SHB: variants seen among roughly 807,000 people sequenced by gnomAD.
SHB encodes the protein SH2 domain containing adaptor protein B.
Under a neutral mutation model 52.3 loss-of-function variants are expected in SHB, and 20 were observed. The observed-to-expected ratio is 0.38, with a 90% CI of 0.27 to 0.56. The LOEUF (loss-of-function observed/expected upper bound fraction) is 0.56, where lower values mean the gene tolerates loss of function less well. Among genes scored for constraint, SHB ranks in the 20% least tolerant of loss-of-function variants. The pLI is 0.71. For missense variants in SHB, 825 were observed against 723.3 expected (o/e 1.14, Z -1.61); for synonymous variants, 397 against 316.5 (o/e 1.25, Z -2.70).
chr9:38,068,006 C>A lies in SHB; in HGVS notation c.640G>T (p.Ala214Ser). ...TTGAGCAGTTTCTTGCCTCCGCAGGCCGTCGGGCTCCAGGTGCGGCCGCCC... is the reference window on the plus strand; with the variant it reads ...TTGAGCAGTTTCTTGCCTCCGCAGGACGTCGGGCTCCAGGTGCGGCCGCCC... The part of the protein sequence containing the change: ...CAGGRTWSPT[A>S]CGGKKLLNKC... The change falls in exon 1 of 6, where the codon GCC becomes TCC. Residue 214 changes from alanine to serine, a missense_variant. Transcript: ENST00000377707. The A allele has an allele frequency of 1.3e-6, 2 of 1,524,742 alleles. No homozygotes were observed. The highest frequency in any genetic ancestry group is 8.7e-7 in the Non-Finnish European group (1 of 1,144,666). The allele number at this position is 1,524,742 out of a possible 1,614,324, so 94.5% of individuals were successfully genotyped here. A position where few individuals can be genotyped will look rare whatever the true frequency, so the allele number is the denominator to read the frequency against.
intron 2 of SHB, among the ~76,000 whole-genome samples, chr9:37,985,247 G>C (rs1377785901): frequency 1.3e-5 from 2 of 152,226 alleles, no homozygotes; most frequent in Non-Finnish European, 2.9e-5. Flanking sequence ...CCCAAGTCTG[G>C]AGTCAGGGTG....
intron 1 of SHB, among the ~76,000 whole-genome samples, chr9:38,055,440 C>T (rs529882815): frequency 1.3e-5 from 2 of 152,238 alleles, no homozygotes; most frequent in East Asian, 1.9e-4. Context: ...GGGCCGAAAA[C>T]GGTGGGGTGC....
At chr9:38,067,403 T>C (rs936601194) in intron 1 of SHB, among the ~76,000 whole-genome samples, 1 of 150,206 alleles carries the variant, frequency 6.7e-6, no homozygotes, top group Non-Finnish European at 1.5e-5. Flanking sequence ...GAGCTGGGGG[T>C]GGGGCAGGGC....
intron 1 of SHB, among the ~76,000 whole-genome samples, chr9:38,017,257 G>A (rs1034695794): frequency 2.6e-5 from 4 of 152,172 alleles, no homozygotes; most frequent in African/African-American, 7.2e-5. Flanking sequence ...AGTGCCACCC[G>A]GCTGCTTCTC....
intron 1 of SHB, among the ~76,000 whole-genome samples, chr9:38,036,051 A>G (rs1383173576): frequency 1.3e-5 from 2 of 152,174 alleles, no homozygotes; most frequent in Non-Finnish European, 2.9e-5. Context: ...AAGGTCATAC[A>G]GTGAGTCAAG....
chr9:37,990,876 G>A (rs920325739), intron 2 of SHB, among the ~76,000 whole-genome samples: 2 of 152,210 alleles, frequency 1.3e-5, no homozygotes, highest in Admixed American at 6.5e-5. Context: ...ATAATGTTTG[G>A]CAGGATAGAA....
At chr9:38,048,761 T>G (rs1326118784) in intron 1 of SHB, among the ~76,000 whole-genome samples, 1 of 152,234 alleles carries the variant, frequency 6.6e-6, no homozygotes, top group Non-Finnish European at 1.5e-5. Flanking sequence ...CCTCTCACTT[T>G]AGGCCACACG....
chr9:37,923,979 C>T (rs1203083840), intron 5 of SHB, among the ~76,000 whole-genome samples: 2 of 152,250 alleles, frequency 1.3e-5, no homozygotes, highest in East Asian at 3.8e-4. Context: ...TCGGCACCGT[C>T]ATCAGCACCA....
intron 1 of SHB, among the ~76,000 whole-genome samples, chr9:38,020,017 C>CA (rs1473721210): frequency 2.0e-5 from 3 of 152,136 alleles, no homozygotes; most frequent in African/African-American, 7.2e-5. Flanking sequence ...TAATGAAAAA[C>CA]AAAACAGAAA....
At chr9:38,055,711 T>C (rs1355335113) in intron 1 of SHB, among the ~76,000 whole-genome samples, 1 of 152,130 alleles carries the variant, frequency 6.6e-6, no homozygotes, top group East Asian at 1.9e-4. Context: ...CTGTCTCTGA[T>C]TGTTCCATAG....
At chr9:37,989,551 T>C (rs1820856395) in intron 2 of SHB, among the ~76,000 whole-genome samples, 2 of 152,216 alleles carry the variant, frequency 1.3e-5, no homozygotes, top group African/African-American at 4.8e-5. Context: ...CAAAACCCTT[T>C]GCATTATTTG....
At chr9:38,044,097 C>T (rs559731523) in intron 1 of SHB, among the ~76,000 whole-genome samples, 1 of 152,182 alleles carries the variant, frequency 6.6e-6, no homozygotes, top group Non-Finnish European at 1.5e-5. Context: ...GGGAGGAGGC[C>T]GGTGGCCAAC....
chr9:38,027,890 G>A (rs1467173964), intron 1 of SHB, among the ~76,000 whole-genome samples: 1 of 152,042 alleles, frequency 6.6e-6, no homozygotes, highest in Non-Finnish European at 1.5e-5. Context: ...CCCAGGGCAG[G>A]GGGTGCCTCC....
intron 5 of SHB, among the ~76,000 whole-genome samples, chr9:37,928,950 C>T (rs934754935): frequency 6.6e-6 from 1 of 152,232 alleles, no homozygotes; most frequent in Non-Finnish European, 1.5e-5. Context: ...CGGGGGAAGC[C>T]CCAGCTGCCG....
chr9:38,038,386 T>C (rs2118131970), intron 1 of SHB, among the ~76,000 whole-genome samples: 1 of 152,200 alleles, frequency 6.6e-6, no homozygotes, highest in Non-Finnish European at 1.5e-5. Context: ...GTCTGTCACT[T>C]CCCCTTCCCT....
chr9:38,023,495 C>G (rs1821305715), intron 1 of SHB, among the ~76,000 whole-genome samples: 1 of 152,180 alleles, frequency 6.6e-6, no homozygotes, highest in African/African-American at 2.4e-5. Flanking sequence ...GGCAGGGTCT[C>G]TGCCCACGAG....
rs1564116159 is a variant in SHB at position 38,069,172 on chromosome 9, CGCCCGCCGGA to C, written c.-537_-528del. 6.6e-6 allele frequency: 1 copy of C among 151,598 alleles called. No individual in the cohort carries two copies. Among genetic ancestry groups the C allele is most frequent in the Non-Finnish European group, 1.5e-5 (1 of 67,588 alleles). 9.4% of individuals were successfully genotyped at this position (151,598 alleles called of 1,614,324 possible). On this transcript the variant is annotated 5_prime_UTR_variant, in exon 1 of 6. Coordinates refer to ENST00000377707, the MANE Select transcript of SHB (RefSeq NM_003028.3). ...GCGAGCGACGGAGGAAGGCAGCCGG[CGCCCGCCGGA>C]GCCCGCGCGCCCGTGCCCGTCCCGG...
At chr9:37,927,642 T>C (rs569834464) in intron 5 of SHB, among the ~76,000 whole-genome samples, 1 of 152,324 alleles carries the variant, frequency 6.6e-6, no homozygotes, top group African/African-American at 2.4e-5. Context: ...GCAATTTTTC[T>C]CATGAGAAAA....
At chr9:37,991,670 A>G (rs934403789) in intron 2 of SHB, among the ~76,000 whole-genome samples, 19 of 152,166 alleles carry the variant, frequency 1.2e-4, no homozygotes, top group Non-Finnish European at 2.6e-4. Context: ...TTTGGGACCC[A>G]TGGTTTCACT....
Sources: allele counts gnomAD v4.1 joint callset (sites outside exome capture counted in the v4.1 genomes callset), GRCh38; gene constraint gnomAD v4.1.1; transcripts MANE v1.5; gene names NCBI Gene and HGNC (gene_info 2026-07-23, HGNC 2026-07-21).